Variants in STAMBPL1 observed in about 807,000 individuals in gnomAD.
STAMBPL1 encodes AMSH-like protease.
STAMBPL1 carries 44 observed loss-of-function variants against 52.9 expected under a neutral mutation model. The observed-to-expected ratio is 0.83, with a 90% CI of 0.65 to 1.07. The LOEUF (loss-of-function observed/expected upper bound fraction) is 1.07. Ranked by LOEUF, STAMBPL1 falls within the 50% of genes least tolerant of loss-of-function variation. STAMBPL1 has a pLI of 0.00. For synonymous variants in STAMBPL1, 164 were observed against 177.3 expected, an observed-to-expected ratio of 0.92 and a Z score of 0.60; for missense variants, 511 against 520.8, an observed-to-expected ratio of 0.98 and a Z score of 0.18.
intron 4 of STAMBPL1, among the ~76,000 whole-genome samples, chr10:88,910,532 C>G (rs921260157): frequency 6.6e-6 from 1 of 152,164 alleles, no homozygotes; most frequent in East Asian, 1.9e-4. Context: ...TATATTCTCT[C>G]ACATCCCTTC....
intron 8 of STAMBPL1, among the ~76,000 whole-genome samples, chr10:88,919,757 TC>T (rs1845460433): frequency 6.6e-6 from 1 of 152,154 alleles, no homozygotes; most frequent in East Asian, 1.9e-4. Flanking sequence ...TGTTATTTTT[TC>T]CTTGCAGAAC....
chr10:88,919,328 T>A (rs1011923202), intron 8 of STAMBPL1, among the ~76,000 whole-genome samples: 4 of 152,172 alleles, frequency 2.6e-5, no homozygotes, highest in African/African-American at 9.7e-5. Flanking sequence ...ACAGTTGCAA[T>A]AAATGGCATC....
chr10:88,889,755 A>G (rs929393618), intron 1 of STAMBPL1, among the ~76,000 whole-genome samples: 1 of 152,234 alleles, frequency 6.6e-6, no homozygotes, highest in Non-Finnish European at 1.5e-5. Context: ...CAAAATCAGT[A>G]AATTAACACT....
chr10:88,888,333 T>G (rs1187661635), intron 1 of STAMBPL1, among the ~76,000 whole-genome samples: 1 of 152,164 alleles, frequency 6.6e-6, no homozygotes, highest in East Asian at 1.9e-4. Flanking sequence ...GGGGACTAAC[T>G]GGATGCAAAC....
At chr10:88,901,421 C>T in intron 1 of STAMBPL1, 2 of 299,896 alleles carry the variant, frequency 6.7e-6, no homozygotes, top group Non-Finnish European at 1.2e-5. Context: ...GGGTGTCAGT[C>T]AAATGTGAAT....
intron 3 of STAMBPL1, among the ~76,000 whole-genome samples, chr10:88,907,214 T>G (rs531884942): frequency 6.6e-6 from 1 of 152,194 alleles, no homozygotes; most frequent in Non-Finnish European, 1.5e-5. Flanking sequence ...AGTTGAAAGA[T>G]ACAATATTTT....
chr10:88,903,254 A>G (rs1844991223), intron 2 of STAMBPL1, among the ~76,000 whole-genome samples: 1 of 152,198 alleles, frequency 6.6e-6, no homozygotes, highest in African/African-American at 2.4e-5. Flanking sequence ...TAAATTTGGG[A>G]AGGTCCATTC....
Position 88,901,658 on chromosome 10 carries a change from G to A in STAMBPL1, c.-51G>A. On this transcript the variant is annotated splice_region_variant and 5_prime_UTR_variant, in exon 2 of 11. The change abolishes an upstream ATG in the 5' untranslated region. Transcript: ENST00000371926. ...TCTGCTTCTTGTTTTTGAAACAGAT[G>A]AAGTGATTGAGAAGAAACAGTGAAC... 6.3e-7 allele frequency: 1 copy of A among 1,583,044 alleles called. No homozygotes were observed. Among genetic ancestry groups the A allele is most frequent in the Non-Finnish European group, 8.6e-7 (1 of 1,164,456 alleles).
At chr10:88,922,484 C>T in intron 10 of STAMBPL1, 48 bp downstream of exon 10, 1 of 1,523,532 alleles carries the variant, frequency 6.6e-7, no homozygotes. Context: ...TTGTTCACTG[C>T]CCCCCCAATC....
intron 1 of STAMBPL1, among the ~76,000 whole-genome samples, chr10:88,899,485 A>G (rs1400242164): frequency 6.6e-6 from 1 of 152,172 alleles, no homozygotes; most frequent in Non-Finnish European, 1.5e-5. Flanking sequence ...GATCTGAGCA[A>G]TCATCAAAAG....
chr10:88,891,241 G>A (rs751997464), intron 1 of STAMBPL1, among the ~76,000 whole-genome samples: 1 of 152,174 alleles, frequency 6.6e-6, no homozygotes, highest in African/African-American at 2.4e-5. Flanking sequence ...TGTTTATGAT[G>A]AGTAAGTTTG....
chr10:88,893,334 C>A, intron 1 of STAMBPL1, among the ~76,000 whole-genome samples: 1 of 152,250 alleles, frequency 6.6e-6, no homozygotes, highest in East Asian at 1.9e-4. Flanking sequence ...ATATTAAAAA[C>A]CAGCAAATAT....
At chr10:88,908,164 C>T (rs144895565) in intron 3 of STAMBPL1, among the ~76,000 whole-genome samples, 2 of 152,272 alleles carry the variant, frequency 1.3e-5, no homozygotes, top group East Asian at 1.9e-4. Context: ...GTTCCTCAAA[C>T]GGTGACGAAA....
In STAMBPL1 at chr10:88,905,538, C is replaced by T. The variant is rs761858662; in HGVS notation, c.126C>T (p.Ile42=). Residue 42 remains isoleucine, a synonymous_variant, in exon 3 of 11, where the codon ATC becomes ATT. Transcript: ENST00000371926. Reference sequence around the variant, plus strand: ...GCAAGCTTGGTTGTAATATCACCATCAGTGAAGACATCACTCCACGACGTT... The same window carrying T: ...GCAAGCTTGGTTGTAATATCACCATTAGTGAAGACATCACTCCACGACGTT... ...ALSKLGCNIT[I]SEDITPRRYF... is the part of the protein sequence containing the mutation. The T allele has an allele frequency of 6.2e-7, 1 of 1,614,070 alleles. No individual in the cohort carries two copies. Among genetic ancestry groups the T allele is most frequent in the Non-Finnish European group, 8.5e-7 (1 of 1,179,962 alleles).
At chr10:88,912,566 A>G (rs1845253675) in intron 5 of STAMBPL1, 1 of 93,612 alleles carries the variant, frequency 1.1e-5, no homozygotes, top group African/African-American at 4.4e-5. Context: ...GCACTGTTCA[A>G]TAGAACTCCT....
At chr10:88,908,910 G>GA in intron 4 of STAMBPL1, 133 bp downstream of exon 4, 1 of 690,638 alleles carries the variant, frequency 1.4e-6, no homozygotes, top group Non-Finnish European at 2.3e-6. Context: ...CATTAACTAT[G>GA]ATGTTTCGAT....
At chr10:88,902,428 T>A (rs935356669) in intron 2 of STAMBPL1, among the ~76,000 whole-genome samples, 1 of 152,054 alleles carries the variant, frequency 6.6e-6, no homozygotes, top group African/African-American at 2.4e-5. Flanking sequence ...TTGATGACCC[T>A]CCCCAGCCAC....
At chr10:88,905,339 A>G in intron 2 of STAMBPL1, 104 bp from the exon 3 acceptor site, 2 of 857,304 alleles carry the variant, frequency 2.3e-6, no homozygotes, top group Middle Eastern at 2.2e-4. Flanking sequence ...TTCCTTAGGT[A>G]ATGGTGTTAG....
At chr10:88,883,861 G>T (rs1005028121) in intron 1 of STAMBPL1, among the ~76,000 whole-genome samples, 1 of 152,110 alleles carries the variant, frequency 6.6e-6, no homozygotes, top group Non-Finnish European at 1.5e-5. Context: ...GGAAATGGGT[G>T]CATTGTCTTG....
Sources: allele counts gnomAD v4.1 joint callset (sites outside exome capture counted in the v4.1 genomes callset), GRCh38; gene constraint gnomAD v4.1.1; transcripts MANE v1.5; gene names NCBI Gene and HGNC (gene_info 2026-07-23, HGNC 2026-07-21).